ZNF469: variants seen among roughly 807,000 people sequenced by gnomAD.
ZNF469 encodes zinc finger protein 469.
ZNF469 carries 1 observed loss-of-function variant against 1.0 expected under a neutral mutation model. That is an observed-to-expected ratio of 1.00 (90% confidence interval 0.35 to 4.73). The LOEUF is 4.73. Ranked by LOEUF, ZNF469 falls within the 30% of genes most tolerant of loss-of-function variation. The probability of loss-of-function intolerance (pLI) is 0.16; values close to 1 mark genes in which losing one functional copy is unlikely to be tolerated. For missense variants in ZNF469, 6,100 were observed against 5,356.3 expected (o/e 1.14, Z -4.33); for synonymous variants, 2,703 against 2,363.4 (o/e 1.14, Z -4.17).
At chr16:88,240,105 C>T in the ZNF469 span, among the ~76,000 whole-genome samples, 949 of 151,012 alleles carry the variant, frequency 6.3e-3, 10 homozygotes, top group African/African-American at 0.021. Flanking sequence ...CCTGAGCCGG[C>T]GATGCTGGCT....
At chr16:88,129,553 T>A in the ZNF469 span, among the ~76,000 whole-genome samples, 6 of 152,230 alleles carry the variant, frequency 3.9e-5, no homozygotes, top group Non-Finnish European at 2.9e-5. Context: ...GATAAATATA[T>A]TTTTGTTAAA....
the ZNF469 span, among the ~76,000 whole-genome samples, chr16:88,118,092 G>A: frequency 6.6e-6 from 1 of 152,068 alleles, no homozygotes; most frequent in African/African-American, 2.4e-5. Flanking sequence ...ACAGGCTCCC[G>A]CCACCACACC....
chr16:88,267,038 G>T, the ZNF469 span, among the ~76,000 whole-genome samples: 34,969 of 150,762 alleles, frequency 0.23, 3,545 homozygotes, highest in East Asian at 0.42. Flanking sequence ...CAGGCGCTCC[G>T]GGTGCCCGGC....
chr16:88,256,893 TC>T, the ZNF469 span, among the ~76,000 whole-genome samples: 2 of 46,046 alleles, frequency 4.3e-5, no homozygotes, highest in Non-Finnish European at 4.4e-5. Context: ...TTCTTTTCTT[TC>T]CTTCTTTCTT....
chr16:88,261,294 C>T, the ZNF469 span, among the ~76,000 whole-genome samples: 1 of 152,200 alleles, frequency 6.6e-6, no homozygotes, highest in Non-Finnish European at 1.5e-5. This position sits in a 1 kb window ranked among gnomAD's most constrained non-coding sequence, Gnocchi z 6.0. Flanking sequence ...CTGGGTGCCA[C>T]CGCCCCTCAC....
the ZNF469 span, among the ~76,000 whole-genome samples, chr16:88,190,706 GA>G: frequency 1.1e-4 from 16 of 151,966 alleles, no homozygotes; most frequent in Admixed American, 3.3e-4. Context: ...GGCTGTTGGA[GA>G]ACTCAACAGA....
the ZNF469 span, among the ~76,000 whole-genome samples, chr16:88,259,262 C>G: frequency 2.4e-4 from 36 of 147,206 alleles, no homozygotes; most frequent in East Asian, 4.1e-3. The surrounding 1 kb of genome is among the most constrained non-coding windows in gnomAD (Gnocchi z 4.1). Flanking sequence ...CCCCGCCCCC[C>G]CGAAGCGGGC....
the ZNF469 span, among the ~76,000 whole-genome samples, chr16:88,136,237 C>T: frequency 1.3e-5 from 2 of 152,192 alleles, no homozygotes; most frequent in African/African-American, 4.8e-5. Flanking sequence ...GAGCCACCTC[C>T]AGTGTTGTCT....
Position 88,429,035 on chromosome 16 carries a change from G to T in ZNF469, c.1565G>T (p.Gly522Val). Residue 522 changes from glycine to valine, a missense_variant, in exon 3 of 3, where the codon GGC becomes GTC. By Grantham distance (109) the Gly-to-Val change is moderately radical. Transcript: ENST00000565624. ...CAGGGGGGCAGCCAAGGAGCCCTGG[G>T]CACTGCTGGCAAGACACCGGGACCC... ...EWQGGSQGAL[G>V]TAGKTPGPRE... The T allele has an allele frequency of 1.9e-6, 3 of 1,549,654 alleles. No individual in the cohort carries two copies. Among genetic ancestry groups the T allele is most frequent in the Non-Finnish European group, 2.6e-6 (3 of 1,146,826 alleles).
At chr16:88,331,063 C>A in the ZNF469 span, among the ~76,000 whole-genome samples, 1 of 127,586 alleles carries the variant, frequency 7.8e-6, no homozygotes, top group South Asian at 2.8e-4. Context: ...ACCATCACAA[C>A]CATCACGACC....
At chr16:88,391,877 G>A (rs1488493713) in intron 1 of ZNF469, among the ~76,000 whole-genome samples, 2 of 152,184 alleles carry the variant, frequency 1.3e-5, no homozygotes, top group Admixed American at 6.5e-5. Context: ...AATAGAAATA[G>A]CTAGAAAAAT....
At chr16:88,247,638 A>G in the ZNF469 span, among the ~76,000 whole-genome samples, 1 of 149,122 alleles carries the variant, frequency 6.7e-6, no homozygotes, top group African/African-American at 2.5e-5. Context: ...GTGAGAGTGA[A>G]TGAGTGGATG....
In ZNF469 at chr16:88,431,799, G is replaced by T. The variant is rs1161191480; in HGVS notation, c.4329G>T (p.Arg1443Ser). ...PPGTAETEPG[R>S]AASPPTLESS... ...GCACCGCTGAGACGGAGCCAGGCAG[G>T]GCTGCATCGCCACCGACCTTGGAGT... is the stretch of plus-strand genomic sequence containing the variant. Residue 1443 changes from arginine (R) to serine (S), a missense_variant, in exon 3 of 3, where the codon AGG becomes AGT. By Grantham distance (110) the Arg-to-Ser change is moderately radical. Transcript: ENST00000565624. 6.5e-7 allele frequency: 1 copy of T among 1,549,764 alleles called. No homozygotes were observed.
At chr16:88,165,465 C>G in the ZNF469 span, among the ~76,000 whole-genome samples, 1 of 152,156 alleles carries the variant, frequency 6.6e-6, no homozygotes, top group African/African-American at 2.4e-5. Context: ...CTTCCAGAAA[C>G]TGGGAATGCA....
At chr16:88,278,782 G>A in the ZNF469 span, among the ~76,000 whole-genome samples, 161 of 130,270 alleles carry the variant, frequency 1.2e-3, 23 homozygotes, top group Non-Finnish European at 1.3e-3. Flanking sequence ...GGTCAGTACC[G>A]TGTAGATATT....
chr16:88,274,608 T>C, the ZNF469 span, among the ~76,000 whole-genome samples: 4 of 152,232 alleles, frequency 2.6e-5, no homozygotes, highest in Admixed American at 6.5e-5. Flanking sequence ...TGGATCGGGC[T>C]CTGGTGACAT....
chr16:88,125,593 T>G, the ZNF469 span, among the ~76,000 whole-genome samples: 1 of 152,218 alleles, frequency 6.6e-6, no homozygotes, highest in Non-Finnish European at 1.5e-5. Flanking sequence ...TTTATTTAGA[T>G]CTCCTTTAAT....
At chr16:88,272,312 T>C in the ZNF469 span, among the ~76,000 whole-genome samples, 1 of 112,342 alleles carries the variant, frequency 8.9e-6, no homozygotes, top group Non-Finnish European at 1.9e-5. Flanking sequence ...GGTGGGAGGA[T>C]GTATGCATGC....
chr16:88,428,278 G>A lies in ZNF469; in HGVS notation c.808G>A (p.Gly270Arg). The change falls in exon 3 of 3, where the codon GGA becomes AGA. Residue 270 changes from glycine to arginine, a missense_variant. Gly to Arg is a moderately radical substitution (Grantham distance 125). Coordinates refer to ENST00000565624, the MANE Select transcript of ZNF469 (RefSeq NM_001367624.2). ...KGSRPGGSPR[G>R]VSFQFPFPAL... The stretch of plus-strand genomic sequence containing the variant: ...CAGCAGGCCCGGCGGCAGCCCCAGG[G>A]GAGTTTCCTTCCAGTTCCCCTTCCC... 1.3e-6 allele frequency: 2 copies of A among 1,550,404 alleles called. No individual in the cohort carries two copies. The highest frequency in any genetic ancestry group is 2.4e-5 in the East Asian group (1 of 40,922).
Sources: allele counts gnomAD v4.1 joint callset (sites outside exome capture counted in the v4.1 genomes callset), GRCh38; gene constraint gnomAD v4.1.1; non-coding constraint Gnocchi (gnomAD v3.1); transcripts MANE v1.5; gene names NCBI Gene and HGNC (gene_info 2026-07-23, HGNC 2026-07-21).